Variants in SMOC2 observed in about 807,000 individuals in gnomAD.
The protein encoded by SMOC2 is SPARC-related modular calcium-binding protein 2.
Under a neutral mutation model 61.4 loss-of-function variants are expected in SMOC2, and 39 were observed. That is an observed-to-expected ratio of 0.64 (90% CI 0.49 to 0.83). SMOC2 has a LOEUF of 0.83. SMOC2 is among the 40% of genes least tolerant of loss of function. SMOC2 has a pLI of 0.00. For missense variants in SMOC2, 556 were observed against 592.9 expected (o/e 0.94, Z 0.65); for synonymous variants, 247 against 239.9 (o/e 1.03, Z -0.27).
intron 11 of SMOC2, among the ~76,000 whole-genome samples, chr6:168,660,277 G>A (rs1179336229): frequency 6.6e-6 from 1 of 152,138 alleles, no homozygotes; most frequent in Non-Finnish European, 1.5e-5. Context: ...TTGGAAGGTG[G>A]CAGCACCATA....
chr6:168,441,345 C>G lies in SMOC2; in HGVS notation c.-26C>G. Reference sequence around the variant, plus strand: ...TGCCAGGGCGCAGGACGCGGCCGATCTCCCGCTCCCGCCACCTCCGCCACC... The same window carrying G: ...TGCCAGGGCGCAGGACGCGGCCGATGTCCCGCTCCCGCCACCTCCGCCACC... On this transcript the variant is annotated 5_prime_UTR_variant, in exon 1 of 13. In the 5' UTR this introduces an upstream ATG that the reference lacks. Transcript: ENST00000356284. The G allele has an allele frequency of 6.7e-7, 1 of 1,498,792 alleles. No individual in the cohort carries two copies. The highest frequency in any genetic ancestry group is 8.8e-7 in the Non-Finnish European group (1 of 1,130,792). 92.8% of individuals were successfully genotyped at this position (1,498,792 alleles called of 1,614,324 possible).
rs371004189 is a variant in SMOC2 at position 168,646,254 on chromosome 6, G to C, written c.908-4427G>C. 5.9e-5 allele frequency among the ~76,000 whole-genome samples: 9 copies of C among 152,254 alleles called. 1 individual carries two copies. In the East Asian group the frequency reaches 1.4e-3, roughly 23 times the overall value. ...CGTGTTCCCGATCCAGACCCTGCAG[G>C]CCTCACTGGCACAATCCAGACCCAC... On this transcript the variant is annotated intron_variant, in intron 9 of 12. Transcript: ENST00000356284.
Position 168,489,381 on chromosome 6 carries a change from C to T in SMOC2, c.85-20534C>T, listed in dbSNP as rs182605962. Among the ~76,000 whole-genome samples the T allele has an allele frequency of 4.5e-3, 685 of 151,924 alleles. 3 individuals carry two copies. The highest frequency in any genetic ancestry group is 0.016 in the African/African-American group (644 of 41,376). On this transcript the variant is annotated intron_variant, in intron 1 of 12. Transcript: ENST00000356284. ...TCAAATCATCTGGGTCCCCTTGGATCACACTGTTTTAGAGTGAAATATATC... is the reference window on the plus strand; with the variant it reads ...TCAAATCATCTGGGTCCCCTTGGATTACACTGTTTTAGAGTGAAATATATC...
chr6:168,459,443 G>A (rs1176666773), intron 1 of SMOC2, among the ~76,000 whole-genome samples: 2 of 152,146 alleles, frequency 1.3e-5, no homozygotes, highest in African/African-American at 2.4e-5. Context: ...GAGTTCCTTC[G>A]GTCATGCCTG....
At chr6:168,575,577 T>G (rs540378359) in intron 7 of SMOC2, among the ~76,000 whole-genome samples, 75 of 152,232 alleles carry the variant, frequency 4.9e-4, no homozygotes, top group Admixed American at 3.5e-3. Flanking sequence ...TTCTGTGAAG[T>G]TTGAAGGCGG....
intron 11 of SMOC2, among the ~76,000 whole-genome samples, chr6:168,656,507 TAAAAAAAAA>T (rs5881805): frequency 2.3e-5 from 2 of 86,800 alleles, no homozygotes; most frequent in Admixed American, 1.5e-4. Context: ...GACTTTGTGT[TAAAAAAAAA>T]AAAAAAAAAA....
intron 1 of SMOC2, among the ~76,000 whole-genome samples, chr6:168,480,889 G>T (rs1022909106): frequency 1.3e-5 from 2 of 152,158 alleles, no homozygotes; most frequent in African/African-American, 2.4e-5. Context: ...AACTTTGGAG[G>T]CCAGAAAGCG....
intron 2 of SMOC2, among the ~76,000 whole-genome samples, chr6:168,523,415 T>C (rs1419914567): frequency 1.4e-5 from 2 of 145,778 alleles, no homozygotes; most frequent in African/African-American, 5.1e-5. Flanking sequence ...TGTGGCAGAG[T>C]CTTGCTCTGT....
At chr6:168,549,278 GT>G in intron 7 of SMOC2, 75 bp downstream of exon 7, 1 of 1,414,264 alleles carries the variant, frequency 7.1e-7, no homozygotes, top group Non-Finnish European at 1.0e-6. Context: ...TTTTTTTGGA[GT>G]TAAGTGTATT....
Position 168,498,566 on chromosome 6 carries a change from T to C in SMOC2, c.85-11349T>C, listed in dbSNP as rs1049713946. On this transcript the variant is annotated intron_variant, in intron 1 of 12. Coordinates refer to ENST00000356284, the MANE Select transcript of SMOC2 (RefSeq NM_001166412.2). ...GGGGTTGTCTGTGTCCCTGGAATGG[T>C]AGGGGAGCCGCTCTTTTCTGATCGC... Among the ~76,000 whole-genome samples, 5 of 152,226 alleles carry C rather than the reference T, an allele frequency of 3.3e-5. No homozygotes were observed. In the East Asian group the frequency reaches 9.6e-4, roughly 29 times the overall value.
intron 1 of SMOC2, among the ~76,000 whole-genome samples, chr6:168,443,055 A>G (rs550737606): frequency 6.6e-6 from 1 of 152,378 alleles, no homozygotes; most frequent in Admixed American, 6.5e-5. Flanking sequence ...AGCACACTAG[A>G]GGAGACAGAG....
chr6:168,581,255 C>T (rs762337602), intron 7 of SMOC2, among the ~76,000 whole-genome samples: 14 of 151,928 alleles, frequency 9.2e-5, no homozygotes, highest in Non-Finnish European at 1.6e-4. Context: ...AAGAGAACCA[C>T]GAAATTTCCA....
intron 10 of SMOC2, 144 bp downstream of exon 10, chr6:168,650,927 AG>A: frequency 2.8e-6 from 2 of 714,414 alleles, no homozygotes; most frequent in Admixed American, 2.9e-5. Flanking sequence ...CTGCAAACAC[AG>A]GAAGTTGCTT....
At chr6:168,467,398 CTGGT>C (rs1415067736) in intron 1 of SMOC2, among the ~76,000 whole-genome samples, 3 of 152,036 alleles carry the variant, frequency 2.0e-5, no homozygotes, top group African/African-American at 7.2e-5. Context: ...CCTCCACCTC[CTGGT>C]TTCAAGCGAT....
At chr6:168,469,159 T>G (rs1781912991) in intron 1 of SMOC2, among the ~76,000 whole-genome samples, 1 of 152,208 alleles carries the variant, frequency 6.6e-6, no homozygotes, top group Admixed American at 6.5e-5. Context: ...CCAAGAGTCC[T>G]TGCCCTGATG....
chr6:168,503,415 G>A (rs57735866), intron 1 of SMOC2, among the ~76,000 whole-genome samples: 3 of 152,032 alleles, frequency 2.0e-5, no homozygotes, highest in Non-Finnish European at 4.4e-5. Context: ...GAGCACTTAC[G>A]TCACGTCTCC....
At chr6:168,661,594 C>T (rs1429960454) in intron 11 of SMOC2, among the ~76,000 whole-genome samples, 1 of 151,964 alleles carries the variant, frequency 6.6e-6, no homozygotes, top group Non-Finnish European at 1.5e-5. Context: ...AGAGTGAGAC[C>T]CCATCCAACC....
chr6:168,632,333 T>G (rs1786591255), intron 9 of SMOC2, among the ~76,000 whole-genome samples: 1 of 152,196 alleles, frequency 6.6e-6, no homozygotes, highest in African/African-American at 2.4e-5. Context: ...GTGCCAAGAA[T>G]CAACAACTTT....
chr6:168,632,031 G>T (rs1055729080), intron 9 of SMOC2, among the ~76,000 whole-genome samples: 1 of 152,188 alleles, frequency 6.6e-6, no homozygotes, highest in East Asian at 1.9e-4. Flanking sequence ...GTCATCACAC[G>T]TGAGCTCCGT....
Sources: allele counts gnomAD v4.1 joint callset (sites outside exome capture counted in the v4.1 genomes callset), GRCh38; gene constraint gnomAD v4.1.1; transcripts MANE v1.5; gene names NCBI Gene and HGNC (gene_info 2026-07-23, HGNC 2026-07-21).